XXYLT1: variants seen among roughly 807,000 people sequenced by gnomAD.
XXYLT1 encodes xyloside xylosyltransferase 1.
Under a neutral mutation model 28.9 loss-of-function variants are expected in XXYLT1, and 20 were observed. The observed-to-expected ratio is 0.69, with a 90% CI of 0.49 to 1.00. XXYLT1 has a LOEUF of 1.00. XXYLT1 is among the 50% of genes least tolerant of loss of function. XXYLT1 has a pLI of 0.00. For missense variants in XXYLT1, 542 were observed against 560.1 expected (o/e 0.97, Z 0.33); for synonymous variants, 257 against 253.8 (o/e 1.01, Z -0.12).
At chr3:195,145,575 G>A (rs143021328) in intron 3 of XXYLT1, among the ~76,000 whole-genome samples, 4,754 of 130,402 alleles carry the variant, frequency 0.036, 100 homozygotes, top group Middle Eastern at 0.052. Flanking sequence ...CACGGTGACC[G>A]GCATTGATGG....
intron 3 of XXYLT1, among the ~76,000 whole-genome samples, chr3:195,081,306 C>T (rs559209467): frequency 8.7e-4 from 132 of 152,282 alleles, no homozygotes; most frequent in African/African-American, 3.1e-3. Flanking sequence ...CAACAGGTGG[C>T]ATAGCAATTT....
intron 3 of XXYLT1, among the ~76,000 whole-genome samples, chr3:195,082,968 A>T (rs945631807): frequency 6.6e-6 from 1 of 152,234 alleles, no homozygotes; most frequent in African/African-American, 2.4e-5. Flanking sequence ...TCACCCCGTG[A>T]GATAAAGTTG....
chr3:195,198,709 A>C (rs1722728520), intron 2 of XXYLT1, among the ~76,000 whole-genome samples: 1 of 152,168 alleles, frequency 6.6e-6, no homozygotes, highest in South Asian at 2.1e-4. Flanking sequence ...ACTATTATGC[A>C]ACACACAACA....
intron 1 of XXYLT1, chr3:195,270,257 A>C: frequency 1.8e-6 from 1 of 569,450 alleles, no homozygotes; most frequent in Non-Finnish European, 3.0e-6. Context: ...TGAACCCTGC[A>C]ACGTTAGCAA....
At chr3:195,228,337 A>C in intron 1 of XXYLT1, among the ~76,000 whole-genome samples, 1 of 150,752 alleles carries the variant, frequency 6.6e-6, no homozygotes, top group African/African-American at 2.4e-5. Context: ...CCACTCCATC[A>C]CTCACCTTTC....
chr3:195,207,964 GAGAC>G (rs542209405), intron 2 of XXYLT1, among the ~76,000 whole-genome samples: 2 of 152,198 alleles, frequency 1.3e-5, no homozygotes, highest in Non-Finnish European at 2.9e-5. Context: ...CTCAGAGAGA[GAGAC>G]AGAAAGTGCC....
chr3:195,209,252 G>A lies in XXYLT1; in HGVS notation c.652+17457C>T, dbSNP rs1274059848. 1 of 152,322 alleles carries A rather than the reference G, an allele frequency of 6.6e-6. No individual in the cohort carries two copies. Among genetic ancestry groups the A allele is most frequent in the Admixed American group, 6.5e-5 (1 of 15,294 alleles). 9.4% of individuals were successfully genotyped at this position (152,322 alleles called of 1,614,324 possible). A position where few individuals can be genotyped will look rare whatever the true frequency, so the allele number is the denominator to read the frequency against. ...AGTGCAAAAGCCAAGGGTTAAGGCAGAGGAGACCTACGCCAGGTCCCCGGA... is the reference window on the plus strand; with the variant it reads ...AGTGCAAAAGCCAAGGGTTAAGGCAAAGGAGACCTACGCCAGGTCCCCGGA... On this transcript the variant is annotated intron_variant, in intron 2 of 3. Transcript: ENST00000310380. This position sits in a 1 kb window ranked among gnomAD's most constrained non-coding sequence, Gnocchi z 5.0.
At chr3:195,156,672 G>A in intron 2 of XXYLT1, 91 bp from the exon 3 acceptor site, 2 of 1,517,202 alleles carry the variant, frequency 1.3e-6, no homozygotes, top group Non-Finnish European at 1.8e-6. Flanking sequence ...GCAGAGAAAA[G>A]GGCACTGGAC....
intron 1 of XXYLT1, chr3:195,270,259 CG>C: frequency 1.7e-6 from 1 of 577,102 alleles, no homozygotes; most frequent in Non-Finnish European, 3.0e-6. Flanking sequence ...AACCCTGCAA[CG>C]TTAGCAAAAT....
At chr3:195,260,445 C>T (rs558504383) in intron 1 of XXYLT1, among the ~76,000 whole-genome samples, 1 of 152,328 alleles carries the variant, frequency 6.6e-6, no homozygotes, top group East Asian at 1.9e-4. Context: ...CAACACTGAC[C>T]CCCCTGGGCA....
chr3:195,162,956 A>G lies in XXYLT1; in HGVS notation c.653-6375T>C, dbSNP rs1222036457. ...GTCCATGGTCCCTGCTGGCCTTTCC[A>G]TAGTTCACATCTCTCTCGTGTCTGC... On this transcript the variant is annotated intron_variant, in intron 2 of 3. Coordinates refer to ENST00000310380, the MANE Select transcript of XXYLT1 (RefSeq NM_152531.5). 2.0e-5 allele frequency among the ~76,000 whole-genome samples: 3 copies of G among 152,146 alleles called. 1 individual carries two copies. Among genetic ancestry groups the G allele is most frequent in the South Asian group, 4.1e-4 (2 of 4,834 alleles).
At chr3:195,106,929 T>TGGACATC (rs1717128273) in intron 3 of XXYLT1, among the ~76,000 whole-genome samples, 1 of 152,138 alleles carries the variant, frequency 6.6e-6, no homozygotes. Context: ...CTTGGAGCCC[T>TGGACATC]GGACATCGGG....
At chr3:195,149,587 G>A (rs1026847742) in intron 3 of XXYLT1, among the ~76,000 whole-genome samples, 5 of 152,166 alleles carry the variant, frequency 3.3e-5, no homozygotes, top group African/African-American at 9.7e-5. Context: ...CACAGTCCTC[G>A]GTCTCTCCCC....
chr3:195,088,561 C>T (rs1230552105), intron 3 of XXYLT1, among the ~76,000 whole-genome samples: 3 of 120,864 alleles, frequency 2.5e-5, no homozygotes, highest in Non-Finnish European at 3.5e-5. Context: ...GTAGATAAAA[C>T]CACAAAGATG....
intron 3 of XXYLT1, among the ~76,000 whole-genome samples, chr3:195,112,370 C>G (rs1419922074): frequency 2.0e-5 from 3 of 152,148 alleles, no homozygotes; most frequent in Non-Finnish European, 4.4e-5. Flanking sequence ...GCAGGGCCAT[C>G]GAGCCCACCC....
At chr3:195,254,587 C>T (rs1485805034) in intron 1 of XXYLT1, among the ~76,000 whole-genome samples, 2 of 152,256 alleles carry the variant, frequency 1.3e-5, no homozygotes, top group East Asian at 1.9e-4. Context: ...AGGCAACAGG[C>T]TCGCAAGGCC....
chr3:195,124,306 G>A lies in XXYLT1; in HGVS notation c.785+32143C>T, dbSNP rs940268497. Among the ~76,000 whole-genome samples the A allele has an allele frequency of 1.3e-5, 2 of 152,172 alleles. No homozygotes were observed. Among genetic ancestry groups the A allele is most frequent in the African/African-American group, 4.8e-5 (2 of 41,454 alleles). ...GCTTGTCAGCTGCTTTAAGGAAAAT[G>A]ACAAGGTTTTCTACAGGAACTGACC... is the stretch of plus-strand genomic sequence containing the variant. On this transcript the variant is annotated intron_variant, in intron 3 of 3. Transcript: ENST00000310380. This position sits in a 1 kb window ranked among gnomAD's most constrained non-coding sequence, Gnocchi z 4.1.
chr3:195,158,452 C>T (rs1720714588), intron 2 of XXYLT1, among the ~76,000 whole-genome samples: 2 of 152,238 alleles, frequency 1.3e-5, no homozygotes, highest in Admixed American at 1.3e-4. Context: ...AGCACTTCCC[C>T]TGCGCTTTAG....
At chr3:195,102,936 A>G (rs1026537336) in intron 3 of XXYLT1, among the ~76,000 whole-genome samples, 2 of 152,168 alleles carry the variant, frequency 1.3e-5, no homozygotes, top group Admixed American at 1.3e-4. Context: ...CCAACGGTGC[A>G]GCGTGCTGGG....
Sources: gnomAD v4.1 joint callset for allele counts (sites outside exome capture counted in the v4.1 genomes callset) on GRCh38, gnomAD v4.1.1 for gene constraint, Gnocchi (gnomAD v3.1) non-coding constraint, MANE v1.5 for transcripts, NCBI Gene and HGNC (gene_info 2026-07-23, HGNC 2026-07-21) for gene names.